MAGI1: variants seen among roughly 807,000 people sequenced by gnomAD.
MAGI1 encodes the protein membrane-associated guanylate kinase, WW and PDZ domain-containing protein 1.
MAGI1 carries 58 observed loss-of-function variants against 139.9 expected under a neutral mutation model. That is an observed-to-expected ratio of 0.41 (90% CI 0.34 to 0.52). MAGI1 has a LOEUF of 0.52. MAGI1 is among the 20% of genes least tolerant of loss of function. The pLI is 0.12. For missense variants in MAGI1, 1,874 were observed against 1,901.6 expected, an observed-to-expected ratio of 0.99 and a Z score of 0.27; for synonymous variants, 812 against 737.9, an observed-to-expected ratio of 1.10 and a Z score of -1.63.
At chr3:65,691,146 C>T (rs912880323) in intron 1 of MAGI1, among the ~76,000 whole-genome samples, 2 of 151,380 alleles carry the variant, frequency 1.3e-5, no homozygotes, top group African/African-American at 4.9e-5. Context: ...ACTAAAAATA[C>T]AAAAAAATTA....
intron 1 of MAGI1, among the ~76,000 whole-genome samples, chr3:65,800,470 T>C (rs923824715): frequency 2.0e-5 from 3 of 152,136 alleles, no homozygotes; most frequent in Admixed American, 6.5e-5. Flanking sequence ...AAACCAGACA[T>C]TGTGTATCAG....
intron 21 of MAGI1, among the ~76,000 whole-genome samples, chr3:65,361,609 T>G (rs1940864552): frequency 6.6e-6 from 1 of 152,198 alleles, no homozygotes; most frequent in Non-Finnish European, 1.5e-5. Context: ...TTAAGAAGGC[T>G]CCCATGATTT....
intron 1 of MAGI1, among the ~76,000 whole-genome samples, chr3:65,885,621 G>C (rs948284513): frequency 1.4e-4 from 22 of 152,072 alleles, no homozygotes; most frequent in African/African-American, 5.1e-4. Context: ...TCTCATGATA[G>C]TGAATAAGTA....
intron 1 of MAGI1, among the ~76,000 whole-genome samples, chr3:65,754,565 A>G (rs2036412261): frequency 6.6e-6 from 1 of 152,188 alleles, no homozygotes; most frequent in South Asian, 2.1e-4. Flanking sequence ...CTGCCTTTTT[A>G]TCACTGCCAC....
At chr3:65,454,064 A>G (rs1342354179) in intron 5 of MAGI1, among the ~76,000 whole-genome samples, 2 of 152,196 alleles carry the variant, frequency 1.3e-5, no homozygotes, top group Non-Finnish European at 2.9e-5. Context: ...TCCCAAAGAT[A>G]TCGCCATTCA....
chr3:65,552,965 A>C (rs2079915866), intron 2 of MAGI1, among the ~76,000 whole-genome samples: 1 of 152,196 alleles, frequency 6.6e-6, no homozygotes, highest in Admixed American at 6.5e-5. Flanking sequence ...TCCTCCTGCA[A>C]CTTGAGGTTT....
chr3:65,618,924 T>C (rs1463288562), intron 2 of MAGI1, among the ~76,000 whole-genome samples: 1 of 152,202 alleles, frequency 6.6e-6, no homozygotes, highest in Admixed American at 6.5e-5. Flanking sequence ...TGCATCTGCA[T>C]CTCTTTTCTG....
chr3:65,685,936 C>G (rs969641699), intron 1 of MAGI1, among the ~76,000 whole-genome samples: 1 of 152,182 alleles, frequency 6.6e-6, no homozygotes, highest in Non-Finnish European at 1.5e-5. Context: ...AGATTCTTCA[C>G]AGGCCTCCAC....
intron 1 of MAGI1, among the ~76,000 whole-genome samples, chr3:65,793,910 T>A (rs541587066): frequency 2.0e-4 from 31 of 152,364 alleles, no homozygotes; most frequent in African/African-American, 7.5e-4. Context: ...AGATGCTGCG[T>A]AAAGTTTCTG....
chr3:66,016,026 C>G (rs1163917332), intron 1 of MAGI1, among the ~76,000 whole-genome samples: 4 of 151,776 alleles, frequency 2.6e-5, no homozygotes, highest in African/African-American at 9.7e-5. Flanking sequence ...AAATTCAGCT[C>G]TATAAAATCT....
chr3:65,957,520 C>CAAAAAAA (rs761240940), intron 1 of MAGI1, among the ~76,000 whole-genome samples: 9 of 31,034 alleles, frequency 2.9e-4, no homozygotes, highest in East Asian at 1.6e-3. Context: ...GACTTCATCT[C>CAAAAAAA]AAAAAAAAAA....
chr3:65,929,366 G>A (rs1488029838), intron 1 of MAGI1, among the ~76,000 whole-genome samples: 3 of 147,922 alleles, frequency 2.0e-5, no homozygotes, highest in Non-Finnish European at 3.0e-5. Flanking sequence ...TTTTGAGACC[G>A]AGTCTCGCTC....
At chr3:65,434,559 T>C (rs1028112837) in intron 10 of MAGI1, among the ~76,000 whole-genome samples, 13 of 152,138 alleles carry the variant, frequency 8.5e-5, no homozygotes, top group African/African-American at 3.1e-4. Flanking sequence ...CCAAATTAGC[T>C]ATATGGCTTC....
At chr3:65,870,875 G>C (rs1319383061) in intron 1 of MAGI1, among the ~76,000 whole-genome samples, 1 of 151,872 alleles carries the variant, frequency 6.6e-6, no homozygotes, top group Non-Finnish European at 1.5e-5. Flanking sequence ...TTGAGCCCAG[G>C]AGTTCAAGTC....
chr3:65,554,325 G>T (rs2079987349), intron 2 of MAGI1, among the ~76,000 whole-genome samples: 1 of 152,162 alleles, frequency 6.6e-6, no homozygotes, highest in Non-Finnish European at 1.5e-5. Context: ...GACTAGAGAA[G>T]ATTTGAGTAA....
intron 1 of MAGI1, among the ~76,000 whole-genome samples, chr3:65,789,748 T>A (rs570052817): frequency 1.3e-5 from 2 of 152,246 alleles, no homozygotes; most frequent in East Asian, 3.9e-4. Context: ...CTAAAACTGA[T>A]GAGCACTAGG....
intron 1 of MAGI1, among the ~76,000 whole-genome samples, chr3:65,915,662 G>A (rs1298220912): frequency 1.3e-5 from 2 of 152,116 alleles, no homozygotes; most frequent in Non-Finnish European, 2.9e-5. Context: ...GGGTTATCCA[G>A]TGTATCCTTC....
chr3:65,809,992 CCTCT>C (rs1030178086), intron 1 of MAGI1, among the ~76,000 whole-genome samples: 3 of 151,112 alleles, frequency 2.0e-5, no homozygotes, highest in African/African-American at 4.9e-5. Context: ...TCTCTCTCTC[CCTCT>C]CTCTCACACA....
intron 1 of MAGI1, among the ~76,000 whole-genome samples, chr3:65,670,953 T>C (rs534846964): frequency 1.3e-5 from 2 of 152,344 alleles, no homozygotes; most frequent in Non-Finnish European, 2.9e-5. Context: ...GAGCTATTCA[T>C]TCACTGTTTT....
Sources: allele counts gnomAD v4.1 joint callset (sites outside exome capture counted in the v4.1 genomes callset), GRCh38; gene constraint gnomAD v4.1.1; transcripts MANE v1.5; gene names NCBI Gene and HGNC (gene_info 2026-07-23, HGNC 2026-07-21).